POTEF: variants seen among roughly 807,000 people sequenced by gnomAD.
POTEF encodes the protein POTE ankyrin domain family member F, also known as ANKRD26-like family C member 1B.
POTEF carries 20 observed loss-of-function variants against 83.2 expected under a neutral mutation model. That is an observed-to-expected ratio of 0.24 (90% CI 0.17 to 0.35). The LOEUF (loss-of-function observed/expected upper bound fraction) is 0.35, where lower values mean the gene tolerates loss of function less well. Among genes scored for constraint, POTEF ranks in the 10% least tolerant of loss-of-function variants. POTEF has a pLI of 1.00. For synonymous variants in POTEF, 196 were observed against 446.4 expected (o/e 0.44, Z 7.07); for missense variants, 550 against 1,203.2 (o/e 0.46, Z 8.03).
At chr2:130,118,220 G>GT (rs1420083518) in intron 3 of POTEF, among the ~76,000 whole-genome samples, 1 of 151,810 alleles carries the variant, frequency 6.6e-6, no homozygotes, top group East Asian at 1.9e-4. Context: ...GGTAACAGGC[G>GT]TAAGCCACTG....
chr2:130,100,933 T>C (rs1684353744), intron 9 of POTEF, among the ~76,000 whole-genome samples: 1 of 148,898 alleles, frequency 6.7e-6, no homozygotes, highest in South Asian at 2.1e-4. Flanking sequence ...TACTGCCACA[T>C]TACTGGCTTC....
At position 130,075,480 on chromosome 2, in the gene POTEF, T is replaced by C. The variant is rs936839437; in HGVS notation, c.1992A>G (p.Thr664=). 1.2e-6 allele frequency: 2 copies of C among 1,611,430 alleles called. No individual in the cohort carries two copies. The highest frequency in any genetic ancestry group is 2.2e-5 in the East Asian group (1 of 44,870). Residue 664 remains threonine, a synonymous_variant, in exon 17 of 17, where the codon ACA becomes ACG. Transcript: ENST00000409914. The stretch of plus-strand genomic sequence containing the variant: ...CTCTTAGCTGGCTCTGATGTTTCAT[T>C]GTGTCTAGCTCCAGTCTTAGCATGG... ...EIAMLRLELD[T]MKHQSQLREK...
At chr2:130,123,521 A>G (rs1048263356) in intron 2 of POTEF, among the ~76,000 whole-genome samples, 3 of 152,050 alleles carry the variant, frequency 2.0e-5, no homozygotes, top group African/African-American at 7.3e-5. Flanking sequence ...GCCAACAAGT[A>G]AATATGATGT....
chr2:130,123,243 T>C (rs1218498146), intron 2 of POTEF, among the ~76,000 whole-genome samples: 10 of 146,148 alleles, frequency 6.8e-5, no homozygotes, highest in Non-Finnish European at 1.0e-4. Flanking sequence ...TAAACTTTCT[T>C]TGTCAATGAC....
At chr2:130,101,318 T>C (rs1684366908) in intron 9 of POTEF, among the ~76,000 whole-genome samples, 1 of 150,806 alleles carries the variant, frequency 6.6e-6, no homozygotes, top group Admixed American at 6.6e-5. Flanking sequence ...CCAGATTATC[T>C]GCTTAAGTCC....
At chr2:130,093,063 T>C (rs1333801929) in intron 12 of POTEF, among the ~76,000 whole-genome samples, 3 of 144,534 alleles carry the variant, frequency 2.1e-5, no homozygotes, top group Non-Finnish European at 3.0e-5. Flanking sequence ...TAGCATTAGA[T>C]ACTCATAGGA....
Position 130,102,120 on chromosome 2 carries a change from C to T in POTEF, c.1187G>A (p.Ser396Asn). Residue 396 changes from serine (S) to asparagine (N), a missense_variant, in exon 9 of 17, where the codon AGC (serine) becomes AAC (asparagine). Physicochemically the swap from Ser to Asn is conservative, Grantham distance 46 (BLOSUM62 1). Coordinates refer to ENST00000409914, the MANE Select transcript of POTEF (RefSeq NM_001099771.2). ...TAAAATTTTCCATGCCTCTGGCTGG[C>T]TATTTTCACTGCCTTTGAACCTTTG... The part of the protein sequence containing the change: ...ESQRFKGSEN[S>N]QPEKMSQEPE... 1.2e-6 allele frequency: 2 copies of T among 1,607,178 alleles called. No homozygotes were observed. The highest frequency in any genetic ancestry group is 2.2e-5 in the East Asian group (1 of 44,746).
chr2:130,109,124 G>A (rs192405141), intron 7 of POTEF: 1 of 151,168 alleles, frequency 6.6e-6, no homozygotes, highest in East Asian at 1.9e-4. Flanking sequence ...ATATTTGGGT[G>A]GCACCCATTT....
intron 2 of POTEF, among the ~76,000 whole-genome samples, chr2:130,127,255 G>T (rs1573620532): frequency 7.7e-6 from 1 of 129,916 alleles, no homozygotes; most frequent in African/African-American, 3.0e-5. Flanking sequence ...AACCCAGGAA[G>T]CAGAGCTTGC....
intron 6 of POTEF, among the ~76,000 whole-genome samples, chr2:130,111,166 ATATC>A (rs1684699803): frequency 6.7e-6 from 1 of 148,480 alleles, no homozygotes. Flanking sequence ...AATGCCACAT[ATATC>A]TTTCTTACTT....
At chr2:130,127,154 T>C (rs1685111400) in intron 2 of POTEF, among the ~76,000 whole-genome samples, 1 of 151,018 alleles carries the variant, frequency 6.6e-6, no homozygotes, top group South Asian at 2.1e-4. Flanking sequence ...ACCCCATCTC[T>C]ACTAAAAATA....
chr2:130,107,598 C>G (rs2443689), intron 8 of POTEF: 7 of 245,010 alleles, frequency 2.9e-5, no homozygotes, highest in East Asian at 1.2e-4. Context: ...ATTACAGCCT[C>G]TACTCTGCCT....
intron 8 of POTEF, among the ~76,000 whole-genome samples, chr2:130,107,057 A>G (rs1684555637): frequency 6.7e-6 from 1 of 148,386 alleles, no homozygotes; most frequent in South Asian, 2.1e-4. Context: ...GTCCTCACAC[A>G]GTTTGGACAA....
At chr2:130,126,373 T>C (rs1402331156) in intron 2 of POTEF, among the ~76,000 whole-genome samples, 1 of 151,684 alleles carries the variant, frequency 6.6e-6, no homozygotes, top group African/African-American at 2.4e-5. Flanking sequence ...GCAATACAGT[T>C]CACTTAATAA....
At position 130,117,076 on chromosome 2, in the gene POTEF, T is replaced by A. The variant is rs368010848; in HGVS notation, c.522-1748A>T. Among the ~76,000 whole-genome samples, 29 of 151,554 alleles carry A rather than the reference T, an allele frequency of 1.9e-4. No homozygotes were observed. In the South Asian group the frequency reaches 5.6e-3, roughly 29 times the overall value. On this transcript the variant is annotated intron_variant, in intron 3 of 16. Transcript: ENST00000409914. ...GGAGTTCAATATTTTCAAAGAAAAC[T>A]CCTGTCGAGTAATGCAATACATTTG...
At chr2:130,112,817 T>C (rs1250186425) in intron 5 of POTEF, among the ~76,000 whole-genome samples, 6 of 150,524 alleles carry the variant, frequency 4.0e-5, no homozygotes, top group African/African-American at 7.5e-5. Flanking sequence ...ACAGCGTCAA[T>C]TGACAAAAAA....
At chr2:130,110,058 T>C (rs1283794490) in intron 7 of POTEF, among the ~76,000 whole-genome samples, 2 of 151,370 alleles carry the variant, frequency 1.3e-5, no homozygotes, top group African/African-American at 4.9e-5. Flanking sequence ...AACAGAATGA[T>C]TGCAATGTCT....
At chr2:130,122,142 G>A (rs1416529659) in intron 2 of POTEF, among the ~76,000 whole-genome samples, 1 of 144,480 alleles carries the variant, frequency 6.9e-6, no homozygotes, top group African/African-American at 2.6e-5. Context: ...TTTGGAGCAT[G>A]TATTAATATG....
intron 12 of POTEF, among the ~76,000 whole-genome samples, chr2:130,088,844 G>T (rs1239942501): frequency 6.6e-6 from 1 of 151,354 alleles, no homozygotes; most frequent in Non-Finnish European, 1.5e-5. Context: ...GAAAGTGCTG[G>T]GATTACAGGT....
Sources: allele counts gnomAD v4.1 joint callset (sites outside exome capture counted in the v4.1 genomes callset), GRCh38; gene constraint gnomAD v4.1.1; transcripts MANE v1.5; gene names NCBI Gene and HGNC (gene_info 2026-07-23, HGNC 2026-07-21).